Variants in CNTLN observed in about 807,000 individuals in gnomAD.
The protein encoded by CNTLN is centlein, centrosomal protein.
CNTLN carries 212 observed loss-of-function variants against 180.0 expected under a neutral mutation model. The ratio of observed to expected loss-of-function variants is 1.18; its 90% confidence interval spans 1.05 to 1.32. The LOEUF is 1.32. CNTLN is among the 40% of genes most tolerant of loss of function. The probability of loss-of-function intolerance (pLI) is 0.00; values close to 1 mark genes in which losing one functional copy is unlikely to be tolerated. For synonymous variants in CNTLN, 722 were observed against 563.1 expected (o/e 1.28, Z -3.99); for missense variants, 2,095 against 1,610.9 (o/e 1.30, Z -5.14).
intron 18 of CNTLN, among the ~76,000 whole-genome samples, chr9:17,440,487 G>T (rs1244400896): frequency 6.6e-6 from 1 of 151,082 alleles, no homozygotes; most frequent in Non-Finnish European, 1.5e-5. Context: ...TATTCGAGAG[G>T]CTGAGGCAGG....
At chr9:17,488,152 G>A (rs963094009) in intron 25 of CNTLN, among the ~76,000 whole-genome samples, 13 of 152,054 alleles carry the variant, frequency 8.5e-5, no homozygotes, top group Non-Finnish European at 7.4e-5. Context: ...TAGTAAAGTC[G>A]AGAATAAATA....
At chr9:17,394,338 C>T (rs1198950544) in intron 14 of CNTLN, among the ~76,000 whole-genome samples, 196 bp from the exon 15 acceptor site, 1 of 152,060 alleles carries the variant, frequency 6.6e-6, no homozygotes, top group East Asian at 1.9e-4. Context: ...ACCATCTGTC[C>T]TTTATTCAAC....
At chr9:17,224,528 CTG>C (rs1587236659) in intron 2 of CNTLN, among the ~76,000 whole-genome samples, 1 of 151,984 alleles carries the variant, frequency 6.6e-6, no homozygotes, top group Non-Finnish European at 1.5e-5. Flanking sequence ...CTTGTCTCAA[CTG>C]TGTTTTCATG....
At chr9:17,425,462 A>G (rs1453160091) in intron 18 of CNTLN, among the ~76,000 whole-genome samples, 1 of 152,244 alleles carries the variant, frequency 6.6e-6, no homozygotes, top group Non-Finnish European at 1.5e-5. Flanking sequence ...CTAGCCCTCT[A>G]GAACTGTGAG....
In CNTLN at chr9:17,360,229, T is replaced by C. The variant is rs191500931; in HGVS notation, c.1887-6388T>C. On this transcript the variant is annotated intron_variant, in intron 12 of 25. Coordinates refer to ENST00000380647, the MANE Select transcript of CNTLN (RefSeq NM_017738.4). ...AGCATTATAGAAAAATGTTATTCAA[T>C]GAAACTTGTTAAAGTTTGGTAAAGA... Among the ~76,000 whole-genome samples the C allele has an allele frequency of 7.9e-5, 12 of 152,322 alleles. No individual in the cohort carries two copies. The East Asian group carries it at 1.7e-3, about 22-fold the overall frequency.
intron 13 of CNTLN, among the ~76,000 whole-genome samples, chr9:17,373,210 A>G (rs922523322): frequency 6.6e-6 from 1 of 152,178 alleles, no homozygotes; most frequent in Non-Finnish European, 1.5e-5. Flanking sequence ...CAATGATAAG[A>G]TTTTGTATTT....
At chr9:17,169,653 G>A (rs1461667968) in intron 2 of CNTLN, among the ~76,000 whole-genome samples, 23 of 151,964 alleles carry the variant, frequency 1.5e-4, no homozygotes. Flanking sequence ...TTATTGAAGA[G>A]ACTTTCCTTT....
intron 2 of CNTLN, among the ~76,000 whole-genome samples, chr9:17,145,277 G>T (rs924852797): frequency 6.6e-6 from 1 of 152,184 alleles, no homozygotes; most frequent in Non-Finnish European, 1.5e-5. Flanking sequence ...TACACTGTGA[G>T]ATACTTTGGA....
At chr9:17,203,889 C>T (rs1037302945) in intron 2 of CNTLN, among the ~76,000 whole-genome samples, 1 of 152,160 alleles carries the variant, frequency 6.6e-6, no homozygotes, top group East Asian at 1.9e-4. Flanking sequence ...ATCTTGTCTT[C>T]ACACTTTCTT....
downstream of CNTLN, chr9:17,503,968 T>C (rs1265116893): frequency 6.6e-6 from 1 of 152,636 alleles, no homozygotes; most frequent in African/African-American, 2.4e-5. Flanking sequence ...GCTTTCACAC[T>C]ACATGAGTGT....
chr9:17,367,749 A>G (rs1317857567), intron 13 of CNTLN, among the ~76,000 whole-genome samples: 1 of 152,130 alleles, frequency 6.6e-6, no homozygotes, highest in Non-Finnish European at 1.5e-5. Flanking sequence ...CCTGGGCTAG[A>G]AGCGAACCTG....
chr9:17,456,718 T>C (rs994917650), intron 18 of CNTLN, among the ~76,000 whole-genome samples: 1 of 152,122 alleles, frequency 6.6e-6, no homozygotes, highest in Non-Finnish European at 1.5e-5. Context: ...ATAAGCTTCT[T>C]TGGAATAATA....
intron 13 of CNTLN, among the ~76,000 whole-genome samples, chr9:17,376,547 G>C (rs1824784360): frequency 6.6e-6 from 1 of 151,952 alleles, no homozygotes; most frequent in Non-Finnish European, 1.5e-5. Flanking sequence ...CGCCTCCCGG[G>C]TTCACGCCGT....
intron 6 of CNTLN, among the ~76,000 whole-genome samples, chr9:17,280,169 G>A (rs1289486824): frequency 6.6e-6 from 1 of 152,148 alleles, no homozygotes; most frequent in African/African-American, 2.4e-5. Flanking sequence ...ACTAGTAACT[G>A]AAAGATTATT....
intron 1 of CNTLN, 89 bp downstream of exon 1, chr9:17,135,514 C>T: frequency 7.0e-7 from 1 of 1,437,062 alleles, no homozygotes; most frequent in East Asian, 2.5e-5. Flanking sequence ...TGCCTTGGGA[C>T]CTACCCCGCC....
At chr9:17,378,762 A>G (rs1319478694) in intron 13 of CNTLN, among the ~76,000 whole-genome samples, 7 of 152,206 alleles carry the variant, frequency 4.6e-5, no homozygotes, top group Non-Finnish European at 2.9e-5. Context: ...GGGGTGACCC[A>G]GGATTTCAAA....
At chr9:17,391,122 A>G (rs1402330120) in intron 14 of CNTLN, among the ~76,000 whole-genome samples, 3 of 152,340 alleles carry the variant, frequency 2.0e-5, no homozygotes, top group South Asian at 4.1e-4. Context: ...TAAAGAAAGG[A>G]TAGCCATGTA....
chr9:17,140,508 A>G (rs1033023037), intron 1 of CNTLN, among the ~76,000 whole-genome samples: 11 of 152,040 alleles, frequency 7.2e-5, no homozygotes, highest in Admixed American at 6.6e-4. Flanking sequence ...TTTCATGATC[A>G]TGGCTCATTC....
At chr9:17,480,673 A>T (rs1408914861) in intron 23 of CNTLN, among the ~76,000 whole-genome samples, 4 of 152,196 alleles carry the variant, frequency 2.6e-5, no homozygotes, top group Non-Finnish European at 5.9e-5. Context: ...TCTGCCTCGA[A>T]TATGGTGTAA....
Sources: allele counts gnomAD v4.1 joint callset (sites outside exome capture counted in the v4.1 genomes callset), GRCh38; gene constraint gnomAD v4.1.1; transcripts MANE v1.5; gene names NCBI Gene and HGNC (gene_info 2026-07-23, HGNC 2026-07-21).